The following ADAMTSL1 variants were observed in gnomAD, a reference collection of about 807,000 sequenced individuals.
ADAMTSL1 encodes ADAMTS-like protein 1.
ADAMTSL1 carries 126 observed loss-of-function variants against 201.8 expected under a neutral mutation model. That is an observed-to-expected ratio of 0.62 (90% CI 0.54 to 0.72). The LOEUF (loss-of-function observed/expected upper bound fraction) is 0.72. Ranked by LOEUF, ADAMTSL1 falls within the 30% of genes least tolerant of loss-of-function variation. The pLI, the probability that ADAMTSL1 is intolerant of heterozygous loss-of-function variation, is 0.00. For missense variants in ADAMTSL1, 2,679 were observed against 2,277.8 expected, an observed-to-expected ratio of 1.18 and a Z score of -3.59; for synonymous variants, 1,121 against 903.4, an observed-to-expected ratio of 1.24 and a Z score of -4.32.
In ADAMTSL1 at chr9:17,910,508, C is replaced by T. The variant is rs1040653615; in HGVS notation, c.87+3586C>T. Among the ~76,000 whole-genome samples the T allele has an allele frequency of 2.9e-5, 2 of 68,674 alleles. 1 individual carries two copies. Among genetic ancestry groups the T allele is most frequent in the Admixed American group, 3.5e-4 (2 of 5,690 alleles). The allele number at this position is 68,674 out of a possible 152,430, so 45.1% of individuals were successfully genotyped here. A position where few individuals can be genotyped will look rare whatever the true frequency, so the allele number is the denominator to read the frequency against. ...CTGTGCCACTTCTTAACCATTTCTT[C>T]TGGATAAGGATGATGACAGCAGATT... On this transcript the variant is annotated intron_variant, in intron 1 of 29. Transcript: ENST00000680146.
intron 2 of ADAMTSL1, among the ~76,000 whole-genome samples, chr9:18,368,218 G>C (rs1424847993): frequency 6.6e-6 from 1 of 152,040 alleles, no homozygotes; most frequent in Non-Finnish European, 1.5e-5. Flanking sequence ...CCTGGCTGAG[G>C]GAGTCTTTTA....
intron 2 of ADAMTSL1, among the ~76,000 whole-genome samples, chr9:18,204,829 G>C (rs1829587174): frequency 6.6e-6 from 1 of 152,052 alleles, no homozygotes. Flanking sequence ...GATTTGAGAA[G>C]GTGCATCTAC....
intron 13 of ADAMTSL1, among the ~76,000 whole-genome samples, chr9:18,701,006 A>C (rs866607587): frequency 3.3e-5 from 5 of 152,138 alleles, no homozygotes; most frequent in African/African-American, 1.2e-4. Context: ...TAGATGCAAA[A>C]TTGGTCTAGC....
chr9:18,706,578 C>A (rs1170383793), intron 13 of ADAMTSL1, 169 bp from the exon 14 acceptor site: 4 of 634,412 alleles, frequency 6.3e-6, no homozygotes, highest in African/African-American at 3.7e-5. Context: ...GTGGCAAAAT[C>A]GCTTATGAAC....
intron 2 of ADAMTSL1, among the ~76,000 whole-genome samples, chr9:18,177,267 T>C (rs1828209901): frequency 6.6e-6 from 1 of 152,174 alleles, no homozygotes; most frequent in African/African-American, 2.4e-5. Flanking sequence ...AAGTAAGTTG[T>C]TGAAAACTAT....
chr9:17,999,595 T>A (rs1490252221), intron 1 of ADAMTSL1, among the ~76,000 whole-genome samples: 1 of 144,602 alleles, frequency 6.9e-6, no homozygotes, highest in Non-Finnish European at 1.5e-5. Flanking sequence ...CCAGAAAATA[T>A]TTTCAGACAC....
At chr9:18,006,698 GTTC>G (rs1336913823) in intron 1 of ADAMTSL1, among the ~76,000 whole-genome samples, 1 of 151,956 alleles carries the variant, frequency 6.6e-6, no homozygotes, top group East Asian at 1.9e-4. Flanking sequence ...TAACTTCAGT[GTTC>G]TTCTAGCTCT....
intron 2 of ADAMTSL1, among the ~76,000 whole-genome samples, chr9:18,366,358 T>G (rs1836766704): frequency 6.6e-6 from 1 of 152,038 alleles, no homozygotes; most frequent in South Asian, 2.1e-4. Context: ...TGCTACCTCG[T>G]GTGCCTTGGG....
intron 18 of ADAMTSL1, among the ~76,000 whole-genome samples, chr9:18,776,502 T>G (rs936338848): frequency 2.6e-5 from 4 of 152,164 alleles, no homozygotes; most frequent in Admixed American, 2.6e-4. Context: ...AGGGAGACAT[T>G]GGGTTGCCCA....
At chr9:18,895,976 C>T (rs922240967) in intron 26 of ADAMTSL1, among the ~76,000 whole-genome samples, 1 of 152,142 alleles carries the variant, frequency 6.6e-6, no homozygotes, top group South Asian at 2.1e-4. Flanking sequence ...GAAAATTTTA[C>T]TGGCGGGATT....
intron 2 of ADAMTSL1, among the ~76,000 whole-genome samples, chr9:18,314,687 C>G (rs1834294932): frequency 6.7e-6 from 1 of 150,272 alleles, no homozygotes; most frequent in Admixed American, 6.7e-5. Context: ...AAAGAGTGAG[C>G]AGCAGCAAGG....
In ADAMTSL1 at chr9:18,348,996, T is replaced by C. The variant is rs567908921; in HGVS notation, c.208-155833T>C. 8.5e-5 allele frequency among the ~76,000 whole-genome samples: 13 copies of C among 152,304 alleles called. No homozygotes were observed. In the East Asian group the frequency reaches 1.9e-3, roughly 23 times the overall value. The stretch of plus-strand genomic sequence containing the variant: ...TGACCATGAAGGCAAGTACTACTAT[T>C]GTACCTATTTTTCAAAGTTGGAGAA... On this transcript the variant is annotated intron_variant, in intron 2 of 29. Transcript: ENST00000680146.
At chr9:18,570,264 A>C (rs544481150) in intron 3 of ADAMTSL1, among the ~76,000 whole-genome samples, 1 of 152,082 alleles carries the variant, frequency 6.6e-6, no homozygotes, top group Admixed American at 6.5e-5. Flanking sequence ...CAAAAGGATC[A>C]GGAAGTATAA....
chr9:18,666,738 A>G (rs1480993624), intron 9 of ADAMTSL1, among the ~76,000 whole-genome samples: 2 of 152,168 alleles, frequency 1.3e-5, no homozygotes, highest in South Asian at 2.1e-4. Flanking sequence ...GCCTCAAAGT[A>G]TAAGCCTGTG....
chr9:18,299,072 A>G (rs1833596085), intron 2 of ADAMTSL1, among the ~76,000 whole-genome samples: 1 of 152,046 alleles, frequency 6.6e-6, no homozygotes. Context: ...CAACATGTAT[A>G]CTTACCTCAT....
intron 1 of ADAMTSL1, among the ~76,000 whole-genome samples, chr9:18,133,763 T>G (rs568827803): frequency 5.3e-5 from 8 of 152,110 alleles, no homozygotes; most frequent in Non-Finnish European, 8.8e-5. Context: ...TGTATATATT[T>G]ACACACACGG....
chr9:18,700,071 A>G (rs1407132898), intron 13 of ADAMTSL1, among the ~76,000 whole-genome samples: 4 of 152,204 alleles, frequency 2.6e-5, no homozygotes, highest in Non-Finnish European at 5.9e-5. Context: ...ATTTCCTAAT[A>G]AGTTAGATTC....
At chr9:18,747,994 G>A (rs1414981830) in intron 15 of ADAMTSL1, among the ~76,000 whole-genome samples, 2 of 152,224 alleles carry the variant, frequency 1.3e-5, no homozygotes, top group Admixed American at 6.5e-5. Context: ...TTAAGGTGGA[G>A]GGAGACCCTA....
At chr9:18,718,244 G>A (rs778260491) in intron 14 of ADAMTSL1, 1 of 760,680 alleles carries the variant, frequency 1.3e-6, no homozygotes, top group Non-Finnish European at 2.4e-6. Flanking sequence ...GTTCTCTCAA[G>A]TCTTGCAAAT....
Sources: gnomAD v4.1 joint callset for allele counts (sites outside exome capture counted in the v4.1 genomes callset) on GRCh38, gnomAD v4.1.1 for gene constraint, MANE v1.5 for transcripts, NCBI Gene and HGNC (gene_info 2026-07-23, HGNC 2026-07-21) for gene names.